DNAJB11: variants seen among roughly 807,000 people sequenced by gnomAD.
The protein encoded by DNAJB11 is dnaJ homolog subfamily B member 11.
A neutral mutation model predicts 47.2 loss-of-function variants in DNAJB11; 30 were observed. The ratio of observed to expected loss-of-function variants is 0.64; its 90% CI spans 0.48 to 0.86. DNAJB11 has a LOEUF of 0.86. Ranked by LOEUF, DNAJB11 falls within the 40% of genes least tolerant of loss-of-function variation. The pLI is 0.00. For missense variants in DNAJB11, 357 were observed against 440.2 expected, an observed-to-expected ratio of 0.81 and a Z score of 1.69; for synonymous variants, 151 against 159.9, an observed-to-expected ratio of 0.94 and a Z score of 0.42.
chr3:186,585,214 G>T (rs1331413508), intron 9 of DNAJB11, 130 bp from the exon 10 acceptor site: 42 of 624,572 alleles, frequency 6.7e-5, no homozygotes, highest in Non-Finnish European at 1.1e-4. Flanking sequence ...GTTGGAGATT[G>T]GTAGTTATTT....
At chr3:186,584,963 C>G (rs943724726) in intron 9 of DNAJB11, among the ~76,000 whole-genome samples, 1 of 151,946 alleles carries the variant, frequency 6.6e-6, no homozygotes, top group South Asian at 2.1e-4. Context: ...AGAAGAGGGC[C>G]CCACTGGGGG....
intron 4 of DNAJB11, chr3:186,580,992 C>T (rs970107165): frequency 6.3e-6 from 1 of 157,614 alleles, no homozygotes; most frequent in African/African-American, 2.4e-5. Flanking sequence ...AGTGATTGTT[C>T]CTCAGGGGTT....
intron 8 of DNAJB11, 41 bp downstream of exon 8, chr3:186,584,017 C>T: frequency 7.0e-7 from 1 of 1,419,990 alleles, no homozygotes; most frequent in Non-Finnish European, 9.9e-7. Context: ...CTTTTGAAGC[C>T]TTTATGTGGG....
chr3:186,579,293 C>T (rs1430131427), intron 4 of DNAJB11: 3 of 152,168 alleles, frequency 2.0e-5, no homozygotes, highest in African/African-American at 7.2e-5. Flanking sequence ...CTTTATCCTT[C>T]ACTGCTTCCT....
At chr3:186,573,643 C>G (rs1715166524) in intron 2 of DNAJB11, among the ~76,000 whole-genome samples, 1 of 152,082 alleles carries the variant, frequency 6.6e-6, no homozygotes, top group East Asian at 1.9e-4. Context: ...CCTCGGCTTC[C>G]CAAAGTGCTG....
At chr3:186,581,644 G>A in intron 5 of DNAJB11, 131 bp downstream of exon 5, 1 of 1,051,104 alleles carries the variant, frequency 9.5e-7, no homozygotes, top group Non-Finnish European at 1.3e-6. Context: ...AAAGGATAGA[G>A]CAAAACAATG....
Position 186,570,980 on chromosome 3 carries a change from C to T in DNAJB11, c.68+15C>T, listed in dbSNP as rs764962665. 6 of 1,566,678 alleles carry T rather than the reference C, an allele frequency of 3.8e-6. No individual in the cohort carries two copies. In the South Asian group the frequency reaches 5.9e-5, roughly 15 times the overall value. ...GTGATTGCCGGGTGAGGAACAGACA[C>T]TCGCAGACAACGGGGCCTGTGGGTC... On this transcript the variant is annotated intron_variant, in intron 1 of 9. Coordinates refer to ENST00000265028, the MANE Select transcript of DNAJB11 (RefSeq NM_016306.6).
intron 8 of DNAJB11, 23 bp from the exon 9 acceptor site, chr3:186,584,407 G>A: frequency 6.5e-7 from 1 of 1,531,074 alleles, no homozygotes; most frequent in Non-Finnish European, 8.7e-7. Context: ...TCCTGCTGCA[G>A]TACATTCCCT....
intron 4 of DNAJB11, 200 bp downstream of exon 4, chr3:186,578,000 A>G: frequency 8.2e-6 from 3 of 365,980 alleles, no homozygotes; most frequent in Non-Finnish European, 1.5e-5. Flanking sequence ...GAACTAAGTA[A>G]AACATTACCA....
At chr3:186,583,077 C>CA (rs1340113215) in intron 7 of DNAJB11, among the ~76,000 whole-genome samples, 3 of 152,202 alleles carry the variant, frequency 2.0e-5, no homozygotes, top group Non-Finnish European at 4.4e-5. Flanking sequence ...AGAAGTATGG[C>CA]ACCATACAAG....
At chr3:186,580,801 A>C (rs557291203) in intron 4 of DNAJB11, 1 of 152,450 alleles carries the variant, frequency 6.6e-6, no homozygotes, top group East Asian at 1.9e-4. Context: ...TAGAGGGATC[A>C]GAATGTTTGA....
At chr3:186,579,865 C>T (rs1021948840) in intron 4 of DNAJB11, 4 of 152,176 alleles carry the variant, frequency 2.6e-5, no homozygotes, top group Admixed American at 2.6e-4. Context: ...TTCCTGGAAT[C>T]CATGTTTTCT....
rs13326516 is a variant in DNAJB11, at chr3:186,584,051, T to G, written c.852+75T>G. On this transcript the variant is annotated intron_variant, in intron 8 of 9. Coordinates refer to ENST00000265028, the MANE Select transcript of DNAJB11 (RefSeq NM_016306.6). Reference sequence around the variant, plus strand: ...GGTAGTTTTGAGATGTATCAGCTGTTTCAGTCATTGAGAACCAGATGGACT... The same window carrying G: ...GGTAGTTTTGAGATGTATCAGCTGTGTCAGTCATTGAGAACCAGATGGACT... The G allele has an allele frequency of 0.19, 203,145 of 1,064,356 alleles. 23,413 individuals are homozygous for G. Among genetic ancestry groups the G allele is most frequent in the African/African-American group, 0.47 (29,742 of 63,134 alleles). 65.9% of individuals were successfully genotyped at this position (1,064,356 alleles called of 1,614,324 possible). A position where few individuals can be genotyped will look rare whatever the true frequency, so the allele number is the denominator to read the frequency against.
chr3:186,581,132 C>G lies in DNAJB11; in HGVS notation c.457-239C>G, dbSNP rs1432855009. On this transcript the variant is annotated intron_variant, in intron 4 of 9. Transcript: ENST00000265028. The stretch of plus-strand genomic sequence containing the variant: ...TTTTTCGGTTCTCTTGTTTCTTACT[C>G]CCGTCTCTACTTCTCCAGCTTTAGA... The G allele has an allele frequency of 7.0e-6, 3 of 426,292 alleles. No individual in the cohort carries two copies. In the South Asian group the frequency reaches 1.3e-4, roughly 19 times the overall value. 26.4% of individuals were successfully genotyped at this position (426,292 alleles called of 1,614,324 possible). A position where few individuals can be genotyped will look rare whatever the true frequency, so the allele number is the denominator to read the frequency against.
chr3:186,575,364 C>CGT (rs1560235036), intron 2 of DNAJB11, among the ~76,000 whole-genome samples: 10 of 89,350 alleles, frequency 1.1e-4, no homozygotes, highest in South Asian at 3.9e-4. Context: ...TGCGCGCGCG[C>CGT]GCGCGTGTGT....
chr3:186,578,368 C>G (rs1036414123), intron 4 of DNAJB11: 4 of 152,080 alleles, frequency 2.6e-5, no homozygotes, highest in Admixed American at 6.6e-5. Context: ...TTTCCAGGTT[C>G]AGATGAACAA....
chr3:186,577,427 A>G (rs184201819), intron 3 of DNAJB11, among the ~76,000 whole-genome samples: 2 of 152,310 alleles, frequency 1.3e-5, no homozygotes, highest in African/African-American at 4.8e-5. Flanking sequence ...TGTATGGGCT[A>G]TATTTTGTTA....
Position 186,585,485 on chromosome 3 carries a change from T to C in DNAJB11, c.*77T>C. ...TATCTGCAAGGTTTTTTTGTGTGTGTTTTTGTTTTTATTTTCAATATGCAA... is the reference window on the plus strand; with the variant it reads ...TATCTGCAAGGTTTTTTTGTGTGTGCTTTTGTTTTTATTTTCAATATGCAA... On this transcript the variant is annotated 3_prime_UTR_variant, in exon 10 of 10. Transcript: ENST00000265028. 1.7e-6 allele frequency: 2 copies of C among 1,189,460 alleles called. No homozygotes were observed. Among genetic ancestry groups the C allele is most frequent in the Non-Finnish European group, 2.4e-6 (2 of 833,044 alleles). The allele number at this position is 1,189,460 out of a possible 1,614,324, so 73.7% of individuals were successfully genotyped here.
At chr3:186,582,993 G>A (rs1486528188) in intron 7 of DNAJB11, among the ~76,000 whole-genome samples, 1 of 152,162 alleles carries the variant, frequency 6.6e-6, no homozygotes, top group Non-Finnish European at 1.5e-5. Flanking sequence ...ATGTTGAAAG[G>A]AAATAATTGA....
Sources: allele counts gnomAD v4.1 joint callset (sites outside exome capture counted in the v4.1 genomes callset), GRCh38; gene constraint gnomAD v4.1.1; transcripts MANE v1.5; gene names NCBI Gene and HGNC (gene_info 2026-07-23, HGNC 2026-07-21).